TIAM2: variants seen among roughly 807,000 people sequenced by gnomAD.
The protein encoded by TIAM2 is TIAM Rac1 associated GEF 2, also known as rho guanine nucleotide exchange factor TIAM2.
In TIAM2, 80 loss-of-function variants were observed where a neutral mutation model predicts 152.9. The ratio of observed to expected loss-of-function variants is 0.52; its 90% CI spans 0.44 to 0.63. The LOEUF (loss-of-function observed/expected upper bound fraction) is 0.63. Among genes scored for constraint, TIAM2 ranks in the 30% least tolerant of loss-of-function variants. The probability of loss-of-function intolerance (pLI) is 0.00; values close to 1 mark genes in which losing one functional copy is unlikely to be tolerated. For synonymous variants in TIAM2, 804 were observed against 838.0 expected, an observed-to-expected ratio of 0.96 and a Z score of 0.70; for missense variants, 1,965 against 2,120.1, an observed-to-expected ratio of 0.93 and a Z score of 1.44.
chr6:155,189,167 C>T (rs1443018594), intron 14 of TIAM2, among the ~76,000 whole-genome samples: 1 of 152,196 alleles, frequency 6.6e-6, no homozygotes, highest in African/African-American at 2.4e-5. Flanking sequence ...GGCAAACCCA[C>T]TTATTTCCTG....
In TIAM2 at chr6:155,254,538, C is replaced by G; in HGVS notation, c.4433C>G (p.Pro1478Arg). 6.2e-7 allele frequency: 1 copy of G among 1,613,550 alleles called. No homozygotes were observed. The highest frequency in any genetic ancestry group is 8.5e-7 in the Non-Finnish European group (1 of 1,179,476). Residue 1478 changes from proline to arginine, a missense_variant, in exon 26 of 27, where the codon CCT becomes CGT. By Grantham distance (103) the Pro-to-Arg change is moderately radical. Coordinates refer to ENST00000682666, the MANE Select transcript of TIAM2 (RefSeq NM_012454.4). ...LEKTCKDRLVPLKNRVPVSAK... is the reference protein window; with the variant it reads ...LEKTCKDRLVRLKNRVPVSAK... ...AAAACGTGTAAGGATCGCCTGGTAC[C>G]TCTTAAGAACCGAGTTCCTGTTTCG... is the stretch of plus-strand genomic sequence containing the variant.
At chr6:155,193,702 C>T (rs1781264713) in intron 14 of TIAM2, among the ~76,000 whole-genome samples, 1 of 152,114 alleles carries the variant, frequency 6.6e-6, no homozygotes, top group African/African-American at 2.4e-5. Flanking sequence ...ATGTGTGCTT[C>T]CTGAACATGT....
Position 155,116,503 on chromosome 6 carries a change from G to A in TIAM2, c.-117-10987G>A, listed in dbSNP as rs372900340. On this transcript the variant is annotated intron_variant, in intron 2 of 26. Transcript: ENST00000682666. ...GAAAAAAATATGTGGTTTAAGCCCC[G>A]TTCATTTTTTAACTTAAATGAAACA... Among the ~76,000 whole-genome samples, 234 of 152,286 alleles carry A rather than the reference G, an allele frequency of 1.5e-3. 7 individuals carry two copies. The South Asian group carries it at 0.047, about 31-fold the overall frequency.
At position 155,254,126 on chromosome 6, in the gene TIAM2, T is replaced by C; in HGVS notation, c.4313+66T>C. 3 of 1,506,906 alleles carry C rather than the reference T, an allele frequency of 2.0e-6. No homozygotes were observed. In the East Asian group the frequency reaches 7.0e-5, roughly 35 times the overall value. The allele number at this position is 1,506,906 out of a possible 1,614,324, so 93.3% of individuals were successfully genotyped here. On this transcript the variant is annotated intron_variant, in intron 25 of 26. Transcript: ENST00000682666. Reference sequence around the variant, plus strand: ...ATAGAATTATGTCTCTTAAGGGAATTTATATTTAGTGCCCTCCTGAATTTT... The same window carrying C: ...ATAGAATTATGTCTCTTAAGGGAATCTATATTTAGTGCCCTCCTGAATTTT...
chr6:155,254,687 C>T lies in TIAM2; in HGVS notation c.4468+114C>T, dbSNP rs545593463. ...TTCACTTTGTAAGTCATCGAGGTAC[C>T]TTTATCTCCTTTTAAGAAACCTAAA... On this transcript the variant is annotated intron_variant, in intron 26 of 26. Transcript: ENST00000682666. The T allele has an allele frequency of 2.9e-5, 39 of 1,335,774 alleles. 1 individual carries two copies. The African/African-American group carries it at 5.0e-4, about 17-fold the overall frequency. The allele number at this position is 1,335,774 out of a possible 1,614,324, so 82.7% of individuals were successfully genotyped here.
At chr6:155,132,163 A>G (rs1044209659) in intron 4 of TIAM2, among the ~76,000 whole-genome samples, 1 of 149,654 alleles carries the variant, frequency 6.7e-6, no homozygotes, top group Non-Finnish European at 1.5e-5. Flanking sequence ...GATTATTTAT[A>G]TAGGGGAGAA....
In TIAM2 at chr6:155,183,279, C is replaced by T; in HGVS notation, c.2843C>T (p.Ala948Val). The change falls in exon 14 of 27, where the codon GCT (alanine) becomes GTT (valine). Residue 948 changes from alanine (A) to valine (V), a missense_variant. Transcript: ENST00000682666. The stretch of plus-strand genomic sequence containing the variant: ...GAGATCATGACCTTAAATGGGGAAG[C>T]TGTGTCTGATCTTGACCTTAAGCAG... ...GNEIMTLNGE[A>V]VSDLDLKQME... The T allele has an allele frequency of 6.8e-6, 11 of 1,614,192 alleles. No individual in the cohort carries two copies. The highest frequency in any genetic ancestry group is 9.3e-6 in the Non-Finnish European group (11 of 1,180,040).
chr6:155,173,926 C>G (rs1427100252), intron 9 of TIAM2, among the ~76,000 whole-genome samples: 2 of 152,200 alleles, frequency 1.3e-5, no homozygotes, highest in Admixed American at 6.5e-5. Context: ...TCAGCACTGA[C>G]TCTACTTGTA....
intron 6 of TIAM2, among the ~76,000 whole-genome samples, chr6:155,145,401 G>T (rs1221112539): frequency 6.6e-6 from 1 of 152,176 alleles, no homozygotes; most frequent in African/African-American, 2.4e-5. Flanking sequence ...CGTTGAGTTT[G>T]TAAGTGATCT....
intron 1 of TIAM2, among the ~76,000 whole-genome samples, chr6:155,079,867 G>A (rs2114965012): frequency 6.6e-6 from 1 of 152,328 alleles, no homozygotes. Context: ...AGAATCGCTT[G>A]AAACTGGGAG....
chr6:155,097,459 A>G (rs1778440350), intron 2 of TIAM2, among the ~76,000 whole-genome samples: 1 of 152,094 alleles, frequency 6.6e-6, no homozygotes, highest in South Asian at 2.1e-4. Flanking sequence ...CTCCCATTTC[A>G]GTCTCCTGAG....
chr6:154,996,671 A>T (rs1778217231), intron 1 of TIAM2, among the ~76,000 whole-genome samples: 1 of 152,192 alleles, frequency 6.6e-6, no homozygotes, highest in South Asian at 2.1e-4. Flanking sequence ...GCTCTGGATA[A>T]AAAAGTGTCC....
At chr6:155,133,851 C>T (rs964205948) in intron 4 of TIAM2, among the ~76,000 whole-genome samples, 6 of 152,006 alleles carry the variant, frequency 3.9e-5, no homozygotes, top group Non-Finnish European at 7.4e-5. Context: ...GTAGCTGATC[C>T]GGATTACAGG....
At position 155,257,357 on chromosome 6, in the gene TIAM2, G is replaced by C. The variant is rs978062566; in HGVS notation, c.*236G>C. 4 of 499,956 alleles carry C rather than the reference G, an allele frequency of 8.0e-6. No individual in the cohort carries two copies. Among genetic ancestry groups the C allele is most frequent in the Non-Finnish European group, 1.4e-5 (4 of 286,596 alleles). The allele number at this position is 499,956 out of a possible 1,614,324, so 31.0% of individuals were successfully genotyped here. On this transcript the variant is annotated 3_prime_UTR_variant, in exon 27 of 27. Transcript: ENST00000682666. ...ACTTAGTTTATATCCACTTTGAGCA[G>C]GTATCAAATGATTTAGGATCCTTAA...
At chr6:155,177,098 A>G (rs1219638464) in intron 10 of TIAM2, 121 bp downstream of exon 10, 1 of 901,286 alleles carries the variant, frequency 1.1e-6, no homozygotes, top group Admixed American at 2.9e-5. Context: ...GGAACATATT[A>G]GCATATTTAT....
chr6:155,077,353 A>C (rs1043866465), intron 1 of TIAM2, among the ~76,000 whole-genome samples: 104 of 152,270 alleles, frequency 6.8e-4, no homozygotes, highest in African/African-American at 2.5e-3. Context: ...ATATTAAGAA[A>C]ATATTTTTAG....
intron 1 of TIAM2, among the ~76,000 whole-genome samples, chr6:155,049,641 A>G (rs191435146): frequency 6.6e-6 from 1 of 152,280 alleles, no homozygotes; most frequent in Admixed American, 6.5e-5. Context: ...CCCATGTTTC[A>G]TAATTGTTAA....
intron 21 of TIAM2, chr6:155,250,599 G>GCA: frequency 6.5e-7 from 1 of 1,536,026 alleles, no homozygotes; most frequent in African/African-American, 1.4e-5. Context: ...CTTACAAAAG[G>GCA]CACTCTGGAA....
At chr6:155,039,883 C>T (rs1776988770) in intron 1 of TIAM2, among the ~76,000 whole-genome samples, 1 of 152,188 alleles carries the variant, frequency 6.6e-6, no homozygotes, top group South Asian at 2.1e-4. Context: ...ATTCAGAAGA[C>T]TTGACAAGTA....
Sources: allele counts gnomAD v4.1 joint callset (sites outside exome capture counted in the v4.1 genomes callset), GRCh38; gene constraint gnomAD v4.1.1; transcripts MANE v1.5; gene names NCBI Gene and HGNC (gene_info 2026-07-23, HGNC 2026-07-21).